The following MPP7 variants were observed in gnomAD, a reference collection of about 807,000 sequenced individuals.
MPP7 encodes MAGUK p55 subfamily member 7.
MPP7 carries 60 observed loss-of-function variants against 76.5 expected under a neutral mutation model. The ratio of observed to expected loss-of-function variants is 0.78; its 90% CI spans 0.64 to 0.97. The LOEUF is 0.97. Among genes scored for constraint, MPP7 ranks in the 50% least tolerant of loss-of-function variants. The pLI is 0.00. For synonymous variants in MPP7, 237 were observed against 244.5 expected (o/e 0.97, Z 0.29); for missense variants, 641 against 694.0 (o/e 0.92, Z 0.86).
chr10:28,288,670 C>T (rs1198499359), intron 1 of MPP7, among the ~76,000 whole-genome samples: 1 of 152,100 alleles, frequency 6.6e-6, no homozygotes, highest in Non-Finnish European at 1.5e-5. Flanking sequence ...TTGTTAAGAG[C>T]GTGAAGCGGT....
rs1835831618 is a variant in MPP7, at chr10:28,150,040, T to C, written c.176A>G (p.Tyr59Cys). ...SLVKIHEKLHYYEKQSPVPIL... is the reference protein window; with the variant it reads ...SLVKIHEKLHCYEKQSPVPIL... ...GGGCACCGGACTCTGCTTCTCATAG[T>C]AGTGTAGTTTTTCATGAATCTGGAA... Residue 59 changes from tyrosine to cysteine, a missense_variant, in exon 4 of 17, where the codon TAC becomes TGC. By Grantham distance (194) the Tyr-to-Cys change is radical (BLOSUM62 -2). Transcript: ENST00000683449. The C allele has an allele frequency of 6.2e-7, 1 of 1,613,472 alleles. No homozygotes were observed. Among genetic ancestry groups the C allele is most frequent in the South Asian group, 1.1e-5 (1 of 91,038 alleles).
intron 1 of MPP7, among the ~76,000 whole-genome samples, chr10:28,275,492 C>T (rs180926527): frequency 2.7e-3 from 403 of 151,926 alleles, no homozygotes; most frequent in African/African-American, 9.0e-3. Context: ...CTGCAACCTC[C>T]GCCTCCTGGG....
chr10:28,283,498 C>T (rs12246265), intron 1 of MPP7, among the ~76,000 whole-genome samples: 3,333 of 152,046 alleles, frequency 0.022, 154 homozygotes, highest in African/African-American at 0.074. Flanking sequence ...GTTCATACCA[C>T]TCTATTAAAA....
At chr10:28,057,951 T>C in intron 15 of MPP7, 2 of 1,020,960 alleles carry the variant, frequency 2.0e-6, no homozygotes, top group Non-Finnish European at 2.5e-6. Flanking sequence ...CAGTTCAGAA[T>C]GTTCATAATG....
chr10:28,089,528 A>G, intron 12 of MPP7, 143 bp downstream of exon 12: 1 of 730,142 alleles, frequency 1.4e-6, no homozygotes, highest in Non-Finnish European at 2.2e-6. Flanking sequence ...AAAAAACTAA[A>G]GATTTTGTTT....
intron 3 of MPP7, among the ~76,000 whole-genome samples, chr10:28,159,834 G>T (rs1836197475): frequency 6.6e-6 from 1 of 152,114 alleles, no homozygotes; most frequent in Admixed American, 6.5e-5. Context: ...ATAGTTTCAT[G>T]ATATTATGCA....
At chr10:28,265,377 G>C (rs1261677372) in intron 1 of MPP7, among the ~76,000 whole-genome samples, 1 of 152,094 alleles carries the variant, frequency 6.6e-6, no homozygotes, top group Middle Eastern at 3.2e-3. Context: ...TGGGGAACTT[G>C]GCGAAACCCC....
At chr10:28,150,930 A>G (rs1835864427) in intron 3 of MPP7, among the ~76,000 whole-genome samples, 1 of 152,152 alleles carries the variant, frequency 6.6e-6, no homozygotes, top group Admixed American at 6.5e-5. Context: ...AGTTTCATCT[A>G]TTTCAGCTCT....
At position 28,058,990 on chromosome 10, in the gene MPP7, G is replaced by A. The variant is rs148863108; in HGVS notation, c.1299-387C>T. Among the ~76,000 whole-genome samples the A allele has an allele frequency of 1.1e-4, 17 of 152,274 alleles. No individual in the cohort carries two copies. The East Asian group carries it at 2.7e-3, about 24-fold the overall frequency. On this transcript the variant is annotated intron_variant, in intron 14 of 16. Coordinates refer to ENST00000683449, the MANE Select transcript of MPP7 (RefSeq NM_001318170.2). ...CCAGCCCAGCTTCAGAACTAGAGGC[G>A]CTGGGTGGTGGCTAATGGAGCCAGG...
intron 2 of MPP7, among the ~76,000 whole-genome samples, chr10:28,327,599 A>G (rs1331198257): frequency 1.3e-5 from 2 of 152,184 alleles, no homozygotes; most frequent in Non-Finnish European, 2.9e-5. Flanking sequence ...TATTTATTTT[A>G]CAGAAGCTGT....
At position 28,206,488 on chromosome 10, in the gene MPP7, C is replaced by T. The variant is rs138285221; in HGVS notation, c.38-4217G>A. 4.4e-3 allele frequency among the ~76,000 whole-genome samples: 665 copies of T among 152,150 alleles called. 5 individuals are homozygous for T. Among genetic ancestry groups the T allele is most frequent in the African/African-American group, 0.016 (644 of 41,514 alleles). On this transcript the variant is annotated intron_variant, in intron 2 of 16. Coordinates refer to ENST00000683449, the MANE Select transcript of MPP7 (RefSeq NM_001318170.2). ...TACAGATGTTGATAAAATGCTCATG[C>T]CTGCTTCTAAAATTTACATTGCAGT...
At chr10:28,320,132 A>G (rs1834352023) in intron 2 of MPP7, among the ~76,000 whole-genome samples, 2 of 152,204 alleles carry the variant, frequency 1.3e-5, no homozygotes, top group African/African-American at 4.8e-5. Flanking sequence ...TGGAGAAGAT[A>G]CGTGTGAGAG....
At chr10:28,234,627 T>G (rs1236245234) in intron 2 of MPP7, among the ~76,000 whole-genome samples, 1 of 152,156 alleles carries the variant, frequency 6.6e-6, no homozygotes, top group East Asian at 1.9e-4. Context: ...ATGATGACAA[T>G]GGCCCTTCAC....
At chr10:28,141,201 A>AT (rs35077866) in intron 5 of MPP7, among the ~76,000 whole-genome samples, 3 of 151,850 alleles carry the variant, frequency 2.0e-5, no homozygotes, top group East Asian at 1.9e-4. Flanking sequence ...ATTCTGATTT[A>AT]TTTTTTTTAA....
intron 1 of MPP7, among the ~76,000 whole-genome samples, chr10:28,296,976 TCAA>T (rs1564763890): frequency 6.6e-6 from 1 of 152,034 alleles, no homozygotes; most frequent in East Asian, 1.9e-4. Flanking sequence ...TTAAAAAAAT[TCAA>T]CTACTCATAA....
chr10:28,251,103 A>T (rs554615147), intron 1 of MPP7, among the ~76,000 whole-genome samples: 1 of 152,366 alleles, frequency 6.6e-6, no homozygotes. Flanking sequence ...CTAAAAATAA[A>T]CACCCAACAT....
At chr10:28,325,533 G>T (rs189202673) in intron 2 of MPP7, among the ~76,000 whole-genome samples, 1 of 151,032 alleles carries the variant, frequency 6.6e-6, no homozygotes, top group East Asian at 2.0e-4. Flanking sequence ...TTGCTCTGTC[G>T]CCCAGGCTGG....
intron 6 of MPP7, 142 bp from the exon 7 acceptor site, chr10:28,125,233 A>G (rs1019726171): frequency 1.3e-5 from 9 of 669,246 alleles, no homozygotes; most frequent in Admixed American, 5.2e-5. Flanking sequence ...AAAAATAGAC[A>G]TCATGCCATT....
intron 13 of MPP7, among the ~76,000 whole-genome samples, chr10:28,065,785 T>C (rs1468000031): frequency 2.0e-5 from 3 of 152,108 alleles, no homozygotes; most frequent in Non-Finnish European, 2.9e-5. Flanking sequence ...GTCTAGAACA[T>C]GGATGCTTTA....
Sources: allele counts gnomAD v4.1 joint callset (sites outside exome capture counted in the v4.1 genomes callset), GRCh38; gene constraint gnomAD v4.1.1; transcripts MANE v1.5; gene names NCBI Gene and HGNC (gene_info 2026-07-23, HGNC 2026-07-21).